Variants in PRUNE1 observed in about 807,000 individuals in gnomAD.
PRUNE1 encodes the protein prune exopolyphosphatase 1.
In PRUNE1, 25 loss-of-function variants were observed where a neutral mutation model predicts 42.5. The observed-to-expected ratio is 0.59, with a 90% CI of 0.43 to 0.82. PRUNE1 has a LOEUF of 0.82. Ranked by LOEUF, PRUNE1 falls within the 40% of genes least tolerant of loss-of-function variation. The probability of loss-of-function intolerance (pLI) is 0.00; values close to 1 mark genes in which losing one functional copy is unlikely to be tolerated. For synonymous variants in PRUNE1, 203 were observed against 217.1 expected (o/e 0.93, Z 0.57); for missense variants, 443 against 539.3 (o/e 0.82, Z 1.77).
intron 1 of PRUNE1, among the ~76,000 whole-genome samples, chr1:151,010,557 C>T (rs1215878179): frequency 6.6e-6 from 1 of 152,002 alleles, no homozygotes; most frequent in Admixed American, 6.6e-5. Context: ...GAGCTTGCAT[C>T]ATCACATAGC....
intron 6 of PRUNE1, among the ~76,000 whole-genome samples, chr1:151,027,747 A>AGTGTGTGTGTGT (rs3034003): frequency 5.3e-5 from 7 of 130,864 alleles, no homozygotes; most frequent in South Asian, 3.0e-4. Context: ...ACACCTAACT[A>AGTGTGTGTGTGT]GTGTGTGTGT....
intron 4 of PRUNE1, 77 bp downstream of exon 4, chr1:151,024,872 G>A (rs1221218312): frequency 5.6e-6 from 8 of 1,423,080 alleles, no homozygotes; most frequent in South Asian, 1.3e-5. Flanking sequence ...AAGTCTAGAC[G>A]CTTCCAGCCT....
intron 7 of PRUNE1, among the ~76,000 whole-genome samples, chr1:151,033,111 G>A (rs1235908801): frequency 1.5e-5 from 2 of 135,724 alleles, no homozygotes; most frequent in African/African-American, 5.7e-5. Flanking sequence ...TTGAGACGGA[G>A]TTTCGCTCTT....
intron 1 of PRUNE1, 66 bp downstream of exon 1, chr1:151,008,737 G>T: frequency 6.3e-7 from 1 of 1,583,440 alleles, no homozygotes; most frequent in Non-Finnish European, 8.7e-7. Context: ...GAAGACGTGG[G>T]ATCTGGGGGA....
At chr1:151,031,297 C>T (rs1409117974) in intron 7 of PRUNE1, among the ~76,000 whole-genome samples, 1 of 150,542 alleles carries the variant, frequency 6.6e-6, no homozygotes, top group Non-Finnish European at 1.5e-5. Context: ...TTCAAGCAAT[C>T]CTCCCAGCCT....
intron 1 of PRUNE1, among the ~76,000 whole-genome samples, chr1:151,016,161 C>G (rs1451563221): frequency 3.3e-5 from 5 of 151,976 alleles, no homozygotes; most frequent in African/African-American, 1.2e-4. Context: ...TGCTTGAACC[C>G]AGGAGGTGGA....
intron 1 of PRUNE1, among the ~76,000 whole-genome samples, chr1:151,012,158 A>C (rs1673810314): frequency 6.6e-6 from 1 of 151,924 alleles, no homozygotes; most frequent in African/African-American, 2.4e-5. Flanking sequence ...TATTTTTTCC[A>C]TTGGCAGCTT....
chr1:151,030,284 G>T (rs958180732), intron 7 of PRUNE1, among the ~76,000 whole-genome samples: 4 of 151,254 alleles, frequency 2.6e-5, no homozygotes, highest in African/African-American at 9.7e-5. Context: ...AAAAAAAGGT[G>T]GGCTTAAGGC....
chr1:151,031,933 T>G (rs779062445), intron 7 of PRUNE1, among the ~76,000 whole-genome samples: 18 of 152,194 alleles, frequency 1.2e-4, no homozygotes, highest in Non-Finnish European at 7.3e-5. Flanking sequence ...CAATCTAAAC[T>G]GTTTCCTCTG....
At chr1:151,031,384 G>A (rs1047848709) in intron 7 of PRUNE1, among the ~76,000 whole-genome samples, 2 of 151,420 alleles carry the variant, frequency 1.3e-5, no homozygotes, top group Admixed American at 6.6e-5. Context: ...ACAGAGTCTC[G>A]CTATGTTGCC....
At chr1:151,009,106 T>C (rs1283568799) in intron 1 of PRUNE1, among the ~76,000 whole-genome samples, 1 of 152,146 alleles carries the variant, frequency 6.6e-6, no homozygotes, top group Non-Finnish European at 1.5e-5. Context: ...GGCCTCCAGG[T>C]GAACCTCGGG....
intron 3 of PRUNE1, among the ~76,000 whole-genome samples, chr1:151,018,930 C>T (rs1233346037): frequency 6.6e-6 from 1 of 152,180 alleles, no homozygotes; most frequent in Non-Finnish European, 1.5e-5. Flanking sequence ...GTAATCCCAG[C>T]TACTTGGGAG....
chr1:151,030,212 G>A (rs56400420), intron 7 of PRUNE1, among the ~76,000 whole-genome samples: 14 of 148,896 alleles, frequency 9.4e-5, no homozygotes, highest in South Asian at 2.1e-4. Context: ...GCAGTGAGCC[G>A]AGATTGCGCC....
At chr1:151,031,106 A>G (rs1675211795) in intron 7 of PRUNE1, among the ~76,000 whole-genome samples, 1 of 151,610 alleles carries the variant, frequency 6.6e-6, no homozygotes, top group Non-Finnish European at 1.5e-5. Context: ...GTGGATTTCT[A>G]ATGACTCTAC....
chr1:151,033,900 A>G lies in PRUNE1; in HGVS notation c.1028A>G (p.Asn343Ser), dbSNP rs1325855999. Residue 343 changes from asparagine to serine, a missense_variant, in exon 8 of 8, where the codon AAC becomes AGC. Transcript: ENST00000271620. ...AACCTCCATGCCTATCTTCAAGGCA[A>G]CACCCAGGTCTCTCGAAAGAAACTT... is the stretch of plus-strand genomic sequence containing the variant. ...HPNLHAYLQG[N>S]TQVSRKKLLP... 1 of 1,613,798 alleles carries G rather than the reference A, an allele frequency of 6.2e-7. No individual in the cohort carries two copies. The highest frequency in any genetic ancestry group is 1.7e-5 in the Admixed American group (1 of 60,004).
chr1:151,027,861 C>T (rs1674975271), intron 6 of PRUNE1, among the ~76,000 whole-genome samples: 1 of 151,994 alleles, frequency 6.6e-6, no homozygotes, highest in Non-Finnish European at 1.5e-5. Flanking sequence ...TCAAGCAGTT[C>T]TCCTTTTGGC....
intron 7 of PRUNE1, among the ~76,000 whole-genome samples, chr1:151,031,244 A>C (rs78546622): frequency 6.9e-6 from 1 of 144,582 alleles, no homozygotes; most frequent in African/African-American, 2.6e-5. Flanking sequence ...CTGGAGTGGT[A>C]CAATGGCACT....
intron 4 of PRUNE1, 91 bp from the exon 5 acceptor site, chr1:151,025,424 T>C (rs1034078466): frequency 7.8e-7 from 1 of 1,280,224 alleles, no homozygotes. Flanking sequence ...TCTCCTTGTG[T>C]GTGTCCATTT....
At chr1:151,031,706 G>A (rs1385080391) in intron 7 of PRUNE1, among the ~76,000 whole-genome samples, 1 of 152,000 alleles carries the variant, frequency 6.6e-6, no homozygotes, top group African/African-American at 2.4e-5. Flanking sequence ...GTCTTATTTT[G>A]TTCAATTCAT....
Sources: gnomAD v4.1 joint callset for allele counts (sites outside exome capture counted in the v4.1 genomes callset) on GRCh38, gnomAD v4.1.1 for gene constraint, MANE v1.5 for transcripts, NCBI Gene and HGNC (gene_info 2026-07-23, HGNC 2026-07-21) for gene names.